N4BP1: variants seen among roughly 807,000 people sequenced by gnomAD.
N4BP1 encodes NEDD4-binding protein 1.
In N4BP1, 21 loss-of-function variants were observed where a neutral mutation model predicts 70.9. The observed-to-expected ratio is 0.30, with a 90% confidence interval of 0.21 to 0.43. The LOEUF is 0.43. Among genes scored for constraint, N4BP1 ranks in the 20% least tolerant of loss-of-function variants. The pLI, the probability that N4BP1 is intolerant of heterozygous loss-of-function variation, is 1.00. For synonymous variants in N4BP1, 387 were observed against 394.6 expected, an observed-to-expected ratio of 0.98 and a Z score of 0.23; for missense variants, 936 against 1,069.4, an observed-to-expected ratio of 0.88 and a Z score of 1.74.
intron 1 of N4BP1, among the ~76,000 whole-genome samples, chr16:48,583,512 T>C (rs747896757): frequency 4.6e-5 from 7 of 152,182 alleles, no homozygotes; most frequent in African/African-American, 9.7e-5. Context: ...TTAATGACAA[T>C]ATATTGTGGT....
chr16:48,589,926 A>G (rs1275519302), intron 1 of N4BP1, among the ~76,000 whole-genome samples: 1 of 152,140 alleles, frequency 6.6e-6, no homozygotes, highest in Non-Finnish European at 1.5e-5. Context: ...TTTGACTCTG[A>G]AACAAAACTG....
At chr16:48,598,562 A>C (rs1964453835) in intron 1 of N4BP1, among the ~76,000 whole-genome samples, 1 of 152,180 alleles carries the variant, frequency 6.6e-6, no homozygotes, top group Non-Finnish European at 1.5e-5. Context: ...ATTTTAATAC[A>C]ACACCACTGA....
At chr16:48,589,512 G>A (rs1964301216) in intron 1 of N4BP1, among the ~76,000 whole-genome samples, 1 of 152,136 alleles carries the variant, frequency 6.6e-6, no homozygotes, top group African/African-American at 2.4e-5. Flanking sequence ...GAAGCTCTAA[G>A]CCCTTTCCCT....
intron 1 of N4BP1, among the ~76,000 whole-genome samples, chr16:48,595,063 T>A (rs1231459792): frequency 6.6e-6 from 1 of 152,138 alleles, no homozygotes; most frequent in African/African-American, 2.4e-5. Context: ...ATAGCTAAAA[T>A]GTTCATGAAT....
intron 1 of N4BP1, among the ~76,000 whole-genome samples, chr16:48,593,351 G>GT (rs2033615042): frequency 6.6e-6 from 1 of 152,242 alleles, no homozygotes; most frequent in Admixed American, 6.5e-5. Context: ...CACACAAAGT[G>GT]TGTAAGGAAA....
At chr16:48,546,085 CACT>C (rs1246051188) in intron 6 of N4BP1, 59 bp downstream of exon 6, 1 of 1,083,370 alleles carries the variant, frequency 9.2e-7, no homozygotes, top group Non-Finnish European at 1.4e-6. Context: ...ACAGCACTTG[CACT>C]AAAGCACAAA....
intron 1 of N4BP1, among the ~76,000 whole-genome samples, chr16:48,573,616 A>C (rs371012480): frequency 2.6e-5 from 4 of 152,138 alleles, no homozygotes; most frequent in South Asian, 2.1e-4. Flanking sequence ...AACAAACAAA[A>C]AAAACCCCAG....
intron 1 of N4BP1, 24 bp downstream of exon 1, chr16:48,609,751 C>G (rs146139081): frequency 7.5e-7 from 1 of 1,325,116 alleles, no homozygotes; most frequent in Non-Finnish European, 9.6e-7. Flanking sequence ...GCCGCGGGCG[C>G]GCGGGGGCGG....
chr16:48,558,011 C>A (rs1464612515), intron 2 of N4BP1, among the ~76,000 whole-genome samples: 1 of 152,088 alleles, frequency 6.6e-6, no homozygotes, highest in African/African-American at 2.4e-5. Flanking sequence ...CTAAAATAAT[C>A]AATTCAATGG....
In N4BP1 at chr16:48,561,949, A is replaced by G. The variant is rs1963865098; in HGVS notation, c.694T>C (p.Leu232=). The change falls in exon 2 of 7, where the codon TTG becomes CTG. Residue 232 remains leucine (L), a synonymous_variant. Coordinates refer to ENST00000262384, the MANE Select transcript of N4BP1 (RefSeq NM_153029.4). Reference sequence around the variant, plus strand: ...GCTTTATTTCTTGCCTCTTCCTGCAAAACAGTTTCATCTCTAGAAATATTC... The same window carrying G: ...GCTTTATTTCTTGCCTCTTCCTGCAGAACAGTTTCATCTCTAGAAATATTC... The part of the protein sequence containing the change: ...GLNISRDETV[L]QEEARNKAGT... 2 of 1,613,998 alleles carry G rather than the reference A, an allele frequency of 1.2e-6. No individual in the cohort carries two copies. The highest frequency in any genetic ancestry group is 1.7e-6 in the Non-Finnish European group (2 of 1,179,886).
At chr16:48,552,065 G>GA (rs1963674824) in intron 3 of N4BP1, among the ~76,000 whole-genome samples, 1 of 152,158 alleles carries the variant, frequency 6.6e-6, no homozygotes, top group Admixed American at 6.5e-5. Flanking sequence ...CAAAGAGAGG[G>GA]ATGATAAGAG....
At chr16:48,589,695 T>C (rs567435861) in intron 1 of N4BP1, among the ~76,000 whole-genome samples, 18 of 152,206 alleles carry the variant, frequency 1.2e-4, no homozygotes, top group Non-Finnish European at 2.2e-4. Context: ...CAAAACAACC[T>C]GGGAAACTTT....
At chr16:48,593,205 T>G (rs1313110033) in intron 1 of N4BP1, among the ~76,000 whole-genome samples, 2 of 152,238 alleles carry the variant, frequency 1.3e-5, no homozygotes, top group Admixed American at 1.3e-4. Flanking sequence ...TCTGCACTTC[T>G]GACTGGTGTC....
chr16:48,546,231 C>T lies in N4BP1; in HGVS notation c.2249G>A (p.Gly750Glu). 1 of 1,611,258 alleles carries T rather than the reference C, an allele frequency of 6.2e-7. No homozygotes were observed. The highest frequency in any genetic ancestry group is 8.5e-7 in the Non-Finnish European group (1 of 1,178,934). Reference sequence around the variant, plus strand: ...ATCATCGGGAACCATAAATATGTCCCCCACGAACGTGTACTGCAGCAGCCT... The same window carrying T: ...ATCATCGGGAACCATAAATATGTCCTCCACGAACGTGTACTGCAGCAGCCT... Reference protein sequence around the residue: ...TKRLLQYTFVGDIFMVPDDPL... With the variant: ...TKRLLQYTFVEDIFMVPDDPL... The change falls in exon 6 of 7, where the codon GGG (glycine) becomes GAG (glutamate). Residue 750 changes from glycine (G) to glutamate (E), a missense_variant. Physicochemically the swap from Gly to Glu is moderately conservative, Grantham distance 98. Coordinates refer to ENST00000262384, the MANE Select transcript of N4BP1 (RefSeq NM_153029.4).
At chr16:48,604,602 T>A (rs1343044620) in intron 1 of N4BP1, among the ~76,000 whole-genome samples, 12 of 138,488 alleles carry the variant, frequency 8.7e-5, no homozygotes, top group South Asian at 2.2e-4. Flanking sequence ...CAAAAAAAGG[T>A]AAAAAAAAAA....
intron 6 of N4BP1, 94 bp downstream of exon 6, chr16:48,546,053 A>G: frequency 4.1e-6 from 3 of 729,342 alleles, no homozygotes; most frequent in South Asian, 4.2e-5. Context: ...AATTTTTTTA[A>G]TGTCATTTTT....
At chr16:48,604,689 CTG>C (rs909766359) in intron 1 of N4BP1, among the ~76,000 whole-genome samples, 3 of 150,886 alleles carry the variant, frequency 2.0e-5, no homozygotes, top group African/African-American at 7.3e-5. Flanking sequence ...GCACATATAA[CTG>C]TTTTTTTAAA....
At chr16:48,606,039 C>T (rs1281975699) in intron 1 of N4BP1, among the ~76,000 whole-genome samples, 1 of 152,208 alleles carries the variant, frequency 6.6e-6, no homozygotes, top group Non-Finnish European at 1.5e-5. Flanking sequence ...TCACACTTTA[C>T]TGTATCTTCC....
At chr16:48,583,874 C>T (rs964581201) in intron 1 of N4BP1, among the ~76,000 whole-genome samples, 1 of 152,162 alleles carries the variant, frequency 6.6e-6, no homozygotes, top group Admixed American at 6.5e-5. Flanking sequence ...CTGAGTGTCC[C>T]CAGAAGGGCA....
Sources: gnomAD v4.1 joint callset for allele counts (sites outside exome capture counted in the v4.1 genomes callset) on GRCh38, gnomAD v4.1.1 for gene constraint, MANE v1.5 for transcripts, NCBI Gene and HGNC (gene_info 2026-07-23, HGNC 2026-07-21) for gene names.